Variants in SEMA5A observed in about 807,000 individuals in gnomAD.
SEMA5A encodes semaphorin 5A.
SEMA5A carries 55 observed loss-of-function variants against 135.5 expected under a neutral mutation model. That is an observed-to-expected ratio of 0.41 (90% CI 0.33 to 0.51). The LOEUF is 0.51. SEMA5A is among the 20% of genes least tolerant of loss of function. The pLI, the probability that SEMA5A is intolerant of heterozygous loss-of-function variation, is 0.37. For synonymous variants in SEMA5A, 580 were observed against 546.5 expected (o/e 1.06, Z -0.85); for missense variants, 1,290 against 1,419.9 (o/e 0.91, Z 1.47).
chr5:9,239,488 A>G (rs1360970945), intron 5 of SEMA5A, among the ~76,000 whole-genome samples: 2 of 152,196 alleles, frequency 1.3e-5, no homozygotes, highest in Non-Finnish European at 2.9e-5. Flanking sequence ...AAATGAAAAT[A>G]AATGTGTTGT....
Position 9,226,873 on chromosome 5 carries a change from C to T in SEMA5A, c.428G>A (p.Arg143His), listed in dbSNP as rs754798514. ...TNAFTPVCTNRSLSNLTEIHD... is the reference protein window; with the variant it reads ...TNAFTPVCTNHSLSNLTEIHD... ...AGGCACAAAAAGAAGCCATACCGAGCGGTTGGTGCAGACAGGCGTGAATGC... is the reference window on the plus strand; with the variant it reads ...AGGCACAAAAAGAAGCCATACCGAGTGGTTGGTGCAGACAGGCGTGAATGC... Residue 143 changes from arginine (R) to histidine (H), a missense_variant, in exon 7 of 23, where the codon CGC (arginine) becomes CAC (histidine). By Grantham distance (29) the Arg-to-His change is conservative (BLOSUM62 0). Coordinates refer to ENST00000382496, the MANE Select transcript of SEMA5A (RefSeq NM_003966.3). 7 of 1,601,224 alleles carry T rather than the reference C, an allele frequency of 4.4e-6. No individual in the cohort carries two copies. Among genetic ancestry groups the T allele is most frequent in the East Asian group, 2.3e-5 (1 of 44,046 alleles).
intron 10 of SEMA5A, among the ~76,000 whole-genome samples, chr5:9,195,895 T>C (rs924404855): frequency 1.3e-5 from 2 of 152,208 alleles, no homozygotes; most frequent in African/African-American, 4.8e-5. Context: ...CTAATGGCCA[T>C]TTAGTTGGAA....
chr5:9,242,655 G>A (rs902858793), intron 5 of SEMA5A, among the ~76,000 whole-genome samples: 7 of 152,152 alleles, frequency 4.6e-5, no homozygotes, highest in African/African-American at 1.4e-4. Context: ...GACAACCAAC[G>A]TGGTGCAGTG....
At chr5:9,228,306 AG>A (rs1217905008) in intron 6 of SEMA5A, among the ~76,000 whole-genome samples, 1 of 152,160 alleles carries the variant, frequency 6.6e-6, no homozygotes, top group Non-Finnish European at 1.5e-5. Flanking sequence ...GGCTTCCTGG[AG>A]GGGGTGCTTG....
chr5:9,195,506 T>C (rs563082949), intron 10 of SEMA5A, among the ~76,000 whole-genome samples: 145 of 152,306 alleles, frequency 9.5e-4, no homozygotes, highest in African/African-American at 3.3e-3. Context: ...TTTTATACAG[T>C]AAACAATGCA....
intron 1 of SEMA5A, among the ~76,000 whole-genome samples, chr5:9,486,681 G>GA (rs1285722358): frequency 3.3e-5 from 5 of 151,858 alleles, no homozygotes; most frequent in Non-Finnish European, 7.4e-5. Context: ...GAAATGCATG[G>GA]AAAAAAATGG....
chr5:9,146,244 C>A (rs965125848), intron 12 of SEMA5A, among the ~76,000 whole-genome samples: 1 of 152,164 alleles, frequency 6.6e-6, no homozygotes, highest in African/African-American at 2.4e-5. Flanking sequence ...TTAGCACTTA[C>A]CACTTTTGTT....
At chr5:9,205,130 TATTCAACAGG>T (rs1454423585) in intron 8 of SEMA5A, among the ~76,000 whole-genome samples, 4 of 152,100 alleles carry the variant, frequency 2.6e-5, no homozygotes, top group Non-Finnish European at 4.4e-5. Flanking sequence ...AAGCTAGCAA[TATTCAACAGG>T]ATTTGATTTT....
intron 11 of SEMA5A, among the ~76,000 whole-genome samples, chr5:9,164,965 CAG>C (rs1743524720): frequency 6.6e-6 from 1 of 152,146 alleles, no homozygotes; most frequent in African/African-American, 2.4e-5. Context: ...CGAGTAAAAA[CAG>C]TGCACAATTG....
chr5:9,174,501 A>G (rs1166502353), intron 11 of SEMA5A, among the ~76,000 whole-genome samples: 1 of 152,192 alleles, frequency 6.6e-6, no homozygotes, highest in Non-Finnish European at 1.5e-5. Flanking sequence ...CGTCTGTAAC[A>G]CCATTGTTAC....
intron 1 of SEMA5A, among the ~76,000 whole-genome samples, chr5:9,447,190 T>A (rs774351222): frequency 6.6e-6 from 1 of 152,234 alleles, no homozygotes; most frequent in Non-Finnish European, 1.5e-5. Context: ...TTCAACTCAG[T>A]AATGGAAAGA....
intron 3 of SEMA5A, among the ~76,000 whole-genome samples, chr5:9,369,540 G>C (rs1755049775): frequency 6.6e-6 from 1 of 152,096 alleles, no homozygotes; most frequent in Non-Finnish European, 1.5e-5. Flanking sequence ...GCAATATTTA[G>C]AGTTTACTTT....
intron 5 of SEMA5A, chr5:9,265,640 C>A: frequency 4.6e-6 from 2 of 433,046 alleles, no homozygotes; most frequent in Non-Finnish European, 9.4e-6. Context: ...GCAAGGGATC[C>A]CTCCCTCACG....
chr5:9,206,346 T>C (rs1052451506), intron 8 of SEMA5A, among the ~76,000 whole-genome samples: 1 of 152,198 alleles, frequency 6.6e-6, no homozygotes, highest in Non-Finnish European at 1.5e-5. Flanking sequence ...TTAATAAGAA[T>C]TCTTCTTCAT....
In SEMA5A at chr5:9,379,734, C is replaced by T. The variant is rs1007889366; in HGVS notation, c.124+89G>A. The T allele has an allele frequency of 1.6e-5, 23 of 1,477,264 alleles. No individual in the cohort carries two copies. The Admixed American group carries it at 3.6e-4, about 23-fold the overall frequency. 91.5% of individuals were successfully genotyped at this position (1,477,264 alleles called of 1,614,324 possible). A position where few individuals can be genotyped will look rare whatever the true frequency, so the allele number is the denominator to read the frequency against. On this transcript the variant is annotated intron_variant, in intron 3 of 22. Coordinates refer to ENST00000382496, the MANE Select transcript of SEMA5A (RefSeq NM_003966.3). ...AAACAAGAGCCACTGGATTATACAG[C>T]ATTCGTGATGCTCTATTATCTTCTA...
chr5:9,377,894 A>G (rs749840197), intron 3 of SEMA5A, among the ~76,000 whole-genome samples: 10 of 152,172 alleles, frequency 6.6e-5, no homozygotes, highest in Non-Finnish European at 1.5e-4. Context: ...GAAGGAAATA[A>G]GTAAAAGGAA....
chr5:9,291,611 G>GAC (rs1751084701), intron 5 of SEMA5A, among the ~76,000 whole-genome samples: 1 of 145,154 alleles, frequency 6.9e-6, no homozygotes, highest in Admixed American at 6.8e-5. Flanking sequence ...GAGAAAGAGA[G>GAC]AGAGAGAGAG....
chr5:9,437,490 G>A (rs934483096), intron 2 of SEMA5A, among the ~76,000 whole-genome samples: 3 of 152,058 alleles, frequency 2.0e-5, no homozygotes, highest in Non-Finnish European at 4.4e-5. Flanking sequence ...CCAAGTAGCT[G>A]GGATTATAGG....
chr5:9,305,656 G>A (rs922832946), intron 5 of SEMA5A, among the ~76,000 whole-genome samples: 9 of 150,820 alleles, frequency 6.0e-5, no homozygotes, highest in African/African-American at 2.0e-4. Context: ...CACCAACACC[G>A]GGGAGAAGGG....
Sources: gnomAD v4.1 joint callset for allele counts (sites outside exome capture counted in the v4.1 genomes callset) on GRCh38, gnomAD v4.1.1 for gene constraint, MANE v1.5 for transcripts, NCBI Gene and HGNC (gene_info 2026-07-23, HGNC 2026-07-21) for gene names.